HDAC9: variants seen among roughly 807,000 people sequenced by gnomAD.
HDAC9 encodes MEF-2 interacting transcription repressor (MITR) protein.
In HDAC9, 41 loss-of-function variants were observed where a neutral mutation model predicts 139.4. The ratio of observed to expected loss-of-function variants is 0.29; its 90% CI spans 0.23 to 0.38. The LOEUF (loss-of-function observed/expected upper bound fraction) is 0.38, where lower values mean the gene tolerates loss of function less well. HDAC9 is among the 10% of genes least tolerant of loss of function. The probability of loss-of-function intolerance (pLI) is 1.00; values close to 1 mark genes in which losing one functional copy is unlikely to be tolerated. For synonymous variants in HDAC9, 517 were observed against 476.2 expected (o/e 1.09, Z -1.12); for missense variants, 1,147 against 1,297.0 (o/e 0.88, Z 1.78).
At chr7:18,629,854 C>T (rs1781802470) in intron 7 of HDAC9, among the ~76,000 whole-genome samples, 1 of 152,082 alleles carries the variant, frequency 6.6e-6, no homozygotes, top group Non-Finnish European at 1.5e-5. Context: ...TTCCCCTGTA[C>T]TCAGACATGA....
chr7:18,365,940 T>A (rs1181810484), intron 1 of HDAC9, among the ~76,000 whole-genome samples: 2 of 138,166 alleles, frequency 1.4e-5, no homozygotes, highest in Non-Finnish European at 3.1e-5. Context: ...TCCTTTAGTG[T>A]TGTTTTCAGT....
intron 11 of HDAC9, among the ~76,000 whole-genome samples, chr7:18,664,680 C>T (rs916561428): frequency 6.6e-6 from 1 of 151,994 alleles, no homozygotes; most frequent in Non-Finnish European, 1.5e-5. Flanking sequence ...ATCCTTCATT[C>T]TTTGTGTCTA....
Position 18,999,945 on chromosome 7 carries a change from G to A in HDAC9, c.*3883G>A, listed in dbSNP as rs1786672594. On this transcript the variant is annotated 3_prime_UTR_variant, in exon 26 of 26. Transcript: ENST00000686413. ...AACGACTCTGTCAGTGTTTGACATTGTCATTTCTAGTGGCATGTATCTTAA... is the reference window on the plus strand; with the variant it reads ...AACGACTCTGTCAGTGTTTGACATTATCATTTCTAGTGGCATGTATCTTAA... 6.6e-6 allele frequency: 1 copy of A among 152,108 alleles called. No individual in the cohort carries two copies. The highest frequency in any genetic ancestry group is 2.4e-5 in the African/African-American group (1 of 41,436). The allele number at this position is 152,108 out of a possible 1,614,324, so 9.4% of individuals were successfully genotyped here. A position where few individuals can be genotyped will look rare whatever the true frequency, so the allele number is the denominator to read the frequency against.
At chr7:18,878,027 C>T (rs1312998407) in intron 22 of HDAC9, among the ~76,000 whole-genome samples, 3 of 152,056 alleles carry the variant, frequency 2.0e-5, no homozygotes, top group Non-Finnish European at 4.4e-5. Flanking sequence ...TCAAACTGTA[C>T]CTTGAAGTTA....
chr7:18,146,018 A>C (rs1205625006), intron 1 of HDAC9, among the ~76,000 whole-genome samples: 1 of 152,220 alleles, frequency 6.6e-6, no homozygotes, highest in Non-Finnish European at 1.5e-5. Context: ...TTGATTCACC[A>C]GCAAAAGAGT....
At chr7:18,926,061 A>C (rs1332397004) in intron 22 of HDAC9, among the ~76,000 whole-genome samples, 1 of 152,126 alleles carries the variant, frequency 6.6e-6, no homozygotes, top group Non-Finnish European at 1.5e-5. Flanking sequence ...TAAAAGTATA[A>C]ATACTGGCCA....
intron 16 of HDAC9, among the ~76,000 whole-genome samples, chr7:18,788,164 G>A (rs1791981948): frequency 6.6e-6 from 1 of 152,106 alleles, no homozygotes; most frequent in African/African-American, 2.4e-5. Flanking sequence ...TCTGCCAGCT[G>A]GAGCTTGGCA....
chr7:18,794,509 G>A (rs539917651), intron 17 of HDAC9, among the ~76,000 whole-genome samples: 25 of 152,112 alleles, frequency 1.6e-4, no homozygotes, highest in Non-Finnish European at 2.8e-4. Flanking sequence ...ATTTTGATAG[G>A]GTGAGCTCTA....
chr7:18,991,119 A>G (rs772403793), intron 25 of HDAC9, among the ~76,000 whole-genome samples: 4 of 152,224 alleles, frequency 2.6e-5, no homozygotes, highest in Non-Finnish European at 4.4e-5. Flanking sequence ...GATTTAAATT[A>G]TCATACTTGT....
At chr7:18,267,468 A>G (rs1458637354) in intron 2 of HDAC9, among the ~76,000 whole-genome samples, 3 of 152,088 alleles carry the variant, frequency 2.0e-5, no homozygotes, top group Non-Finnish European at 4.4e-5. Context: ...CACTGTTATT[A>G]GTACCTACCC....
At chr7:18,174,431 C>G (rs893179381) in intron 2 of HDAC9, among the ~76,000 whole-genome samples, 1 of 152,144 alleles carries the variant, frequency 6.6e-6, no homozygotes, top group Non-Finnish European at 1.5e-5. Context: ...TTATTACTGA[C>G]CTTCTGAAGC....
intron 7 of HDAC9, among the ~76,000 whole-genome samples, chr7:18,630,324 T>C (rs1404740762): frequency 6.6e-6 from 1 of 152,098 alleles, no homozygotes; most frequent in African/African-American, 2.4e-5. Flanking sequence ...AAAACTGTGC[T>C]TATACCAATG....
chr7:18,286,296 C>T (rs1448880707), upstream of HDAC9, among the ~76,000 whole-genome samples: 1 of 151,364 alleles, frequency 6.6e-6, no homozygotes. Context: ...ATTTTCATAC[C>T]AGTTACCATG....
intron 2 of HDAC9, among the ~76,000 whole-genome samples, chr7:18,550,270 A>AT (rs1816677571): frequency 6.6e-6 from 1 of 152,062 alleles, no homozygotes; most frequent in African/African-American, 2.4e-5. Context: ...CTATTCTTCT[A>AT]TTTTTTACTG....
At chr7:18,859,410 C>T (rs1179131806) in intron 21 of HDAC9, among the ~76,000 whole-genome samples, 1 of 152,070 alleles carries the variant, frequency 6.6e-6, no homozygotes, top group East Asian at 1.9e-4. Flanking sequence ...CAGCCTGACT[C>T]TGCACTTCAG....
intron 15 of HDAC9, among the ~76,000 whole-genome samples, chr7:18,764,826 A>AT (rs2129159137): frequency 6.6e-6 from 1 of 152,238 alleles, no homozygotes; most frequent in South Asian, 2.1e-4. Flanking sequence ...ATTTCCCTTG[A>AT]TAGTTGTGTT....
At chr7:18,384,842 C>T (rs1785769111) in intron 1 of HDAC9, among the ~76,000 whole-genome samples, 1 of 152,026 alleles carries the variant, frequency 6.6e-6, no homozygotes, top group South Asian at 2.1e-4. Flanking sequence ...TTTTATTCTA[C>T]TTTCTGTGTC....
Position 18,664,864 on chromosome 7 carries a change from C to T in HDAC9, c.1468-1349C>T, listed in dbSNP as rs930881829. On this transcript the variant is annotated intron_variant, in intron 11 of 25. Transcript: ENST00000686413. ...TTTCTAAGACATTCACTAAAAGCTC[C>T]ATGAGGGCAGAGCAGTGGCTATTTT... 5.3e-5 allele frequency among the ~76,000 whole-genome samples: 8 copies of T among 152,226 alleles called. No individual in the cohort carries two copies. The South Asian group carries it at 6.2e-4, about 12-fold the overall frequency.
intron 1 of HDAC9, among the ~76,000 whole-genome samples, chr7:18,337,408 C>G (rs1296244179): frequency 6.6e-6 from 1 of 151,658 alleles, no homozygotes; most frequent in African/African-American, 2.4e-5. Context: ...TGATATAGGT[C>G]TAAAAAGCAG....
Sources: allele counts gnomAD v4.1 joint callset (sites outside exome capture counted in the v4.1 genomes callset), GRCh38; gene constraint gnomAD v4.1.1; transcripts MANE v1.5; gene names NCBI Gene and HGNC (gene_info 2026-07-23, HGNC 2026-07-21).